GPALPP1: variants seen among roughly 807,000 people sequenced by gnomAD.
GPALPP1 encodes GPALPP motifs containing 1.
A neutral mutation model predicts 38.9 loss-of-function variants in GPALPP1; 30 were observed. The observed-to-expected ratio is 0.77, with a 90% CI of 0.58 to 1.05. GPALPP1 has a LOEUF of 1.05. GPALPP1 is among the 50% of genes least tolerant of loss of function. The pLI is 0.00. For missense variants in GPALPP1, 384 were observed against 408.8 expected (o/e 0.94, Z 0.52); for synonymous variants, 120 against 139.2 (o/e 0.86, Z 0.97).
At chr13:45,015,314 G>C in intron 5 of GPALPP1, 118 bp from the exon 6 acceptor site, 1 of 613,794 alleles carries the variant, frequency 1.6e-6, no homozygotes, top group Non-Finnish European at 2.7e-6. Flanking sequence ...CTTTATATTA[G>C]AGTTTGTTAA....
At chr13:45,031,110 C>G (rs1876177568), downstream of GPALPP1, 1 of 152,188 alleles carries the variant, frequency 6.6e-6, no homozygotes, top group Non-Finnish European at 1.5e-5. Context: ...GAGCCAAGAT[C>G]ACACCATTGC....
intron 1 of GPALPP1, among the ~76,000 whole-genome samples, chr13:45,000,137 C>G (rs189635355): frequency 1.6e-4 from 24 of 152,158 alleles, no homozygotes; most frequent in Non-Finnish European, 3.5e-4. Flanking sequence ...TGTAATAGCA[C>G]CAGGTGTGGT....
At chr13:45,019,141 A>T (rs1195113245) in intron 6 of GPALPP1, among the ~76,000 whole-genome samples, 2 of 139,164 alleles carry the variant, frequency 1.4e-5, no homozygotes, top group African/African-American at 2.8e-5. Flanking sequence ...GTATATATTT[A>T]TATATATGTA....
intron 1 of GPALPP1, chr13:44,990,040 T>C (rs1250706152): frequency 2.0e-6 from 1 of 511,738 alleles, no homozygotes; most frequent in African/African-American, 2.0e-5. Context: ...TTAAGCCGTA[T>C]AAGAAAAAAA....
chr13:45,010,874 A>G (rs1874421756), intron 4 of GPALPP1, among the ~76,000 whole-genome samples: 1 of 152,166 alleles, frequency 6.6e-6, no homozygotes, highest in African/African-American at 2.4e-5. Context: ...GGTGCCAGCT[A>G]CCTGGGAGCT....
chr13:45,010,989 A>G (rs1185700349), intron 4 of GPALPP1, among the ~76,000 whole-genome samples: 1 of 150,188 alleles, frequency 6.7e-6, no homozygotes, highest in African/African-American at 2.5e-5. Flanking sequence ...TCTCAAAAAG[A>G]AAAAAGAAAA....
intron 1 of GPALPP1, among the ~76,000 whole-genome samples, chr13:44,997,566 C>T (rs1241391917): frequency 6.6e-6 from 1 of 152,130 alleles, no homozygotes; most frequent in African/African-American, 2.4e-5. Context: ...GCTCCAAAAA[C>T]TCAAATTCAA....
chr13:45,016,234 A>G (rs1874858629), intron 6 of GPALPP1, among the ~76,000 whole-genome samples: 1 of 152,112 alleles, frequency 6.6e-6, no homozygotes, highest in African/African-American at 2.4e-5. Context: ...AGGGCGGATC[A>G]CCTGAAGTCA....
At chr13:45,007,514 G>GA (rs1295977052) in intron 3 of GPALPP1, among the ~76,000 whole-genome samples, 9 of 152,094 alleles carry the variant, frequency 5.9e-5, no homozygotes, top group African/African-American at 2.2e-4. Context: ...ATTGTACTCA[G>GA]AAAAAACCTA....
chr13:45,009,144 G>A (rs1267202310), intron 4 of GPALPP1: 5 of 500,182 alleles, frequency 1.0e-5, no homozygotes, highest in Non-Finnish European at 1.8e-5. Context: ...CTTTGAAGGG[G>A]GACTTTAAGG....
intron 4 of GPALPP1, among the ~76,000 whole-genome samples, chr13:45,011,310 C>T (rs1369824934): frequency 6.6e-6 from 1 of 152,156 alleles, no homozygotes; most frequent in Non-Finnish European, 1.5e-5. Flanking sequence ...ATTACACTTA[C>T]TTCATAGGGT....
chr13:45,022,595 A>G (rs1875509898), intron 7 of GPALPP1, among the ~76,000 whole-genome samples: 1 of 152,198 alleles, frequency 6.6e-6, no homozygotes, highest in African/African-American at 2.4e-5. Context: ...GTATTAATAT[A>G]GTCTTAAGAC....
At chr13:45,004,172 T>G (rs2137968215) in intron 1 of GPALPP1, 133 bp from the exon 2 acceptor site, 1 of 695,056 alleles carries the variant, frequency 1.4e-6, no homozygotes, top group Non-Finnish European at 2.4e-6. Context: ...ACAACAGCAA[T>G]TGAGATTAAA....
chr13:45,012,241 G>A (rs1874530634), intron 4 of GPALPP1, among the ~76,000 whole-genome samples: 2 of 152,180 alleles, frequency 1.3e-5, no homozygotes, highest in South Asian at 4.1e-4. Context: ...TAGAGGACCA[G>A]AGAAATGTAA....
chr13:45,014,103 TCTCTTATTAA>T, intron 4 of GPALPP1, among the ~76,000 whole-genome samples: 1 of 152,284 alleles, frequency 6.6e-6, no homozygotes, highest in Admixed American at 6.5e-5. Context: ...TATTAAACCA[TCTCTTATTAA>T]GATGGAAGTG....
chr13:45,026,319 G>GTT (rs1258479520), intron 7 of GPALPP1, among the ~76,000 whole-genome samples: 1 of 152,094 alleles, frequency 6.6e-6, no homozygotes, highest in Non-Finnish European at 1.5e-5. Context: ...CTGCTAAAAC[G>GTT]TTATGGCTCC....
chr13:45,017,999 T>C (rs567187562), intron 6 of GPALPP1, among the ~76,000 whole-genome samples: 16 of 152,324 alleles, frequency 1.1e-4, no homozygotes, highest in African/African-American at 3.6e-4. Flanking sequence ...TATTTCCTTC[T>C]TGATAGGTTC....
chr13:45,024,168 T>TGTGTGC (rs1555257022), intron 7 of GPALPP1, among the ~76,000 whole-genome samples: 41 of 121,996 alleles, frequency 3.4e-4, no homozygotes, highest in Middle Eastern at 3.8e-3. Context: ...TGTGTGTGTG[T>TGTGTGC]GTGTGTGTGT....
At chr13:45,034,712 T>G (rs952374910), downstream of GPALPP1, 1 of 151,388 alleles carries the variant, frequency 6.6e-6, no homozygotes, top group Non-Finnish European at 1.5e-5. Context: ...GAGAATACTT[T>G]TTTATTTTTA....
Sources: gnomAD v4.1 joint callset for allele counts (sites outside exome capture counted in the v4.1 genomes callset) on GRCh38, gnomAD v4.1.1 for gene constraint, MANE v1.5 for transcripts, NCBI Gene and HGNC (gene_info 2026-07-23, HGNC 2026-07-21) for gene names.